Variants in EPB41L2 observed in about 807,000 individuals in gnomAD.
The protein encoded by EPB41L2 is band 4.1-like protein 2.
A neutral mutation model predicts 113.0 loss-of-function variants in EPB41L2; 43 were observed. The observed-to-expected ratio is 0.38, with a 90% CI of 0.30 to 0.49. The LOEUF (loss-of-function observed/expected upper bound fraction) is 0.49, where lower values mean the gene tolerates loss of function less well. Among genes scored for constraint, EPB41L2 ranks in the 20% least tolerant of loss-of-function variants. EPB41L2 has a pLI of 0.95. For missense variants in EPB41L2, 1,147 were observed against 1,223.4 expected (o/e 0.94, Z 0.93); for synonymous variants, 442 against 436.7 (o/e 1.01, Z -0.15).
chr6:131,030,337 T>A (rs2128749997), intron 1 of EPB41L2, among the ~76,000 whole-genome samples: 1 of 152,326 alleles, frequency 6.6e-6, no homozygotes, highest in Non-Finnish European at 1.5e-5. Context: ...AAGTGCTCAA[T>A]AAACTGGCAA....
At chr6:130,918,916 T>C (rs1801973665) in intron 4 of EPB41L2, among the ~76,000 whole-genome samples, 2 of 152,142 alleles carry the variant, frequency 1.3e-5, no homozygotes, top group Admixed American at 1.3e-4. Flanking sequence ...AATAAATTTA[T>C]GTGGGGGAAA....
chr6:130,874,488 AC>A (rs1311012607), intron 14 of EPB41L2, among the ~76,000 whole-genome samples: 1 of 152,166 alleles, frequency 6.6e-6, no homozygotes, highest in East Asian at 1.9e-4. Flanking sequence ...TAAAGTCAAA[AC>A]ACTCCCGTAG....
At chr6:131,023,893 T>C (rs1790213864) in intron 1 of EPB41L2, among the ~76,000 whole-genome samples, 2 of 152,174 alleles carry the variant, frequency 1.3e-5, no homozygotes, top group Admixed American at 1.3e-4. Context: ...TGGAGAAAAC[T>C]GTCATTTTCT....
chr6:131,039,011 G>C (rs1239742957), intron 1 of EPB41L2, among the ~76,000 whole-genome samples: 2 of 152,078 alleles, frequency 1.3e-5, no homozygotes, highest in African/African-American at 4.8e-5. Context: ...TGACTTCCCA[G>C]AGGCTTAGAA....
At chr6:130,932,371 A>C (rs1365403957) in intron 3 of EPB41L2, among the ~76,000 whole-genome samples, 3 of 152,166 alleles carry the variant, frequency 2.0e-5, no homozygotes, top group African/African-American at 7.2e-5. Context: ...AAGGACTACA[A>C]ATATACATTT....
At position 131,059,113 on chromosome 6, in the gene EPB41L2, A is replaced by ACTT. The variant is rs199576962; in HGVS notation, c.-15+4039_-15+4041dup. Among the ~76,000 whole-genome samples, 259 of 71,402 alleles carry ACTT rather than the reference A, an allele frequency of 3.6e-3. 29 individuals are homozygous for ACTT. Among genetic ancestry groups the ACTT allele is most frequent in the East Asian group, 0.028 (85 of 3,062 alleles). 46.8% of individuals were successfully genotyped at this position (71,402 alleles called of 152,430 possible). A position where few individuals can be genotyped will look rare whatever the true frequency, so the allele number is the denominator to read the frequency against. Reference sequence around the variant, plus strand: ...TTCTTTCCTTCTTGGCTTACCTATAACTTTTTTTTTTTTTTTTTTGAGATG... The same window carrying ACTT: ...TTCTTTCCTTCTTGGCTTACCTATAACTTCTTTTTTTTTTTTTTTTTTGAGATG... On this transcript the variant is annotated intron_variant, in intron 1 of 19. Transcript: ENST00000337057.
At chr6:130,863,768 T>A (rs1455874537) in intron 17 of EPB41L2, 50 bp from the exon 18 acceptor site, 1 of 1,349,966 alleles carries the variant, frequency 7.4e-7, no homozygotes, top group South Asian at 1.2e-5. Context: ...CTGAAGCACG[T>A]TTACACAGTC....
At chr6:130,986,304 T>C (rs1324815153) in intron 1 of EPB41L2, among the ~76,000 whole-genome samples, 1 of 152,138 alleles carries the variant, frequency 6.6e-6, no homozygotes, top group Non-Finnish European at 1.5e-5. Context: ...AGGAGTAACA[T>C]TTCTCCAAGG....
At chr6:130,940,952 C>A (rs73774322) in intron 3 of EPB41L2, among the ~76,000 whole-genome samples, 1 of 152,044 alleles carries the variant, frequency 6.6e-6, no homozygotes, top group South Asian at 2.1e-4. Flanking sequence ...TGTATAAACA[C>A]CTGCTATTAC....
At chr6:130,961,994 A>G (rs1448009868) in intron 1 of EPB41L2, among the ~76,000 whole-genome samples, 2 of 152,328 alleles carry the variant, frequency 1.3e-5, no homozygotes, top group East Asian at 3.9e-4. Context: ...TCTACATCGG[A>G]TAAAACTAGT....
chr6:130,988,446 T>C (rs1205776598), intron 1 of EPB41L2, among the ~76,000 whole-genome samples: 1 of 152,206 alleles, frequency 6.6e-6, no homozygotes, highest in African/African-American at 2.4e-5. Context: ...TTGCTACTAG[T>C]ATTAATCTCA....
chr6:130,924,005 C>T (rs1292165599), intron 4 of EPB41L2, among the ~76,000 whole-genome samples: 1 of 152,120 alleles, frequency 6.6e-6, no homozygotes, highest in African/African-American at 2.4e-5. Flanking sequence ...CCCCTAGCAA[C>T]CACCATTCTA....
chr6:130,872,641 G>T, intron 14 of EPB41L2: 1 of 736,812 alleles, frequency 1.4e-6, no homozygotes, highest in Non-Finnish European at 1.9e-6. Flanking sequence ...AAGAACAACA[G>T]AACAGCATAA....
chr6:130,892,805 ATG>A (rs1225569024), intron 10 of EPB41L2, among the ~76,000 whole-genome samples: 1 of 152,286 alleles, frequency 6.6e-6, no homozygotes, highest in African/African-American at 2.4e-5. Flanking sequence ...AAGTTGTTTC[ATG>A]TGTGTTATCT....
chr6:130,904,019 G>C (rs1435449223), intron 6 of EPB41L2, among the ~76,000 whole-genome samples: 1 of 152,158 alleles, frequency 6.6e-6, no homozygotes, highest in African/African-American at 2.4e-5. Context: ...TTTGGTTCTG[G>C]AGGGAGAAGA....
At chr6:130,906,258 C>T (rs538272294) in intron 5 of EPB41L2, among the ~76,000 whole-genome samples, 1 of 152,284 alleles carries the variant, frequency 6.6e-6, no homozygotes, top group Non-Finnish European at 1.5e-5. Flanking sequence ...TACTAGACCA[C>T]ATATTTTCTA....
chr6:130,863,182 C>T (rs943040830), intron 18 of EPB41L2, among the ~76,000 whole-genome samples: 1 of 152,160 alleles, frequency 6.6e-6, no homozygotes, highest in African/African-American at 2.4e-5. Flanking sequence ...CCCCAATAAT[C>T]GCAATAGGAG....
chr6:130,869,525 G>T (rs1427026943), intron 15 of EPB41L2, 38 bp downstream of exon 15: 1 of 1,577,106 alleles, frequency 6.3e-7, no homozygotes, highest in South Asian at 1.2e-5. Context: ...CTGAGAAGCA[G>T]CTCTAGAGTT....
chr6:130,946,240 C>T (rs548043719), intron 3 of EPB41L2, among the ~76,000 whole-genome samples: 7 of 152,222 alleles, frequency 4.6e-5, no homozygotes, highest in South Asian at 2.1e-4. Context: ...TCAAAATTAA[C>T]GCATGGCTTA....
Sources: allele counts gnomAD v4.1 joint callset (sites outside exome capture counted in the v4.1 genomes callset), GRCh38; gene constraint gnomAD v4.1.1; transcripts MANE v1.5; gene names NCBI Gene and HGNC (gene_info 2026-07-23, HGNC 2026-07-21).